Variants in NUP155 observed in about 807,000 individuals in gnomAD.
NUP155 encodes the protein nuclear pore complex protein Nup155.
Under a neutral mutation model 180.4 loss-of-function variants are expected in NUP155, and 71 were observed. That is an observed-to-expected ratio of 0.39 (90% confidence interval 0.33 to 0.48). NUP155 has a LOEUF of 0.48. Among genes scored for constraint, NUP155 ranks in the 20% least tolerant of loss-of-function variants. The pLI, the probability that NUP155 is intolerant of heterozygous loss-of-function variation, is 0.91. For missense variants in NUP155, 1,553 were observed against 1,648.9 expected, an observed-to-expected ratio of 0.94 and a Z score of 1.01; for synonymous variants, 582 against 559.5, an observed-to-expected ratio of 1.04 and a Z score of -0.57.
chr5:37,335,808 C>T (rs1745293271), intron 12 of NUP155, among the ~76,000 whole-genome samples: 1 of 151,822 alleles, frequency 6.6e-6, no homozygotes, highest in Non-Finnish European at 1.5e-5. Context: ...AAAAATTAGA[C>T]AAGAGTGGTG....
At chr5:37,295,203 C>G (rs1038671548) in intron 32 of NUP155, among the ~76,000 whole-genome samples, 7 of 152,130 alleles carry the variant, frequency 4.6e-5, no homozygotes, top group African/African-American at 1.7e-4. Flanking sequence ...CGCGCCGCCA[C>G]GCCTGACTGG....
intron 7 of NUP155, 105 bp downstream of exon 7, chr5:37,350,055 A>G (rs1056449636): frequency 3.9e-5 from 32 of 812,212 alleles, no homozygotes; most frequent in Admixed American, 2.8e-4. Context: ...GCTACTTAAC[A>G]TAACAAATTG....
intron 1 of NUP155, 53 bp downstream of exon 1, chr5:37,370,768 G>A (rs746066458): frequency 1.9e-6 from 3 of 1,613,646 alleles, no homozygotes; most frequent in Non-Finnish European, 2.5e-6. Context: ...TAGCAAATTA[G>A]GAAGTCAGGC....
intron 14 of NUP155, 70 bp from the exon 15 acceptor site, chr5:37,330,202 G>A (rs1744868018): frequency 1.9e-6 from 2 of 1,062,670 alleles, no homozygotes; most frequent in Non-Finnish European, 1.4e-6. Context: ...ACTGCTAGAT[G>A]CAGTATTAAA....
chr5:37,296,310 CTT>C (rs1561764955), intron 32 of NUP155, among the ~76,000 whole-genome samples: 1 of 152,034 alleles, frequency 6.6e-6, no homozygotes, highest in Non-Finnish European at 1.5e-5. Context: ...ACATGGGAGA[CTT>C]TTCATTTTGT....
At chr5:37,343,833 G>C (rs1339074719) in intron 9 of NUP155, among the ~76,000 whole-genome samples, 2 of 152,084 alleles carry the variant, frequency 1.3e-5, no homozygotes, top group Non-Finnish European at 2.9e-5. Context: ...GGAGGTTGCA[G>C]TGAGCTGAGA....
chr5:37,358,666 G>C (rs1055178756), intron 3 of NUP155, among the ~76,000 whole-genome samples: 3 of 152,100 alleles, frequency 2.0e-5, no homozygotes, highest in Admixed American at 6.6e-5. Context: ...ATATTGCCCA[G>C]GCTAGTGTTG....
chr5:37,320,482 TAAAAAG>T (rs1744176863), intron 20 of NUP155, among the ~76,000 whole-genome samples: 2 of 151,458 alleles, frequency 1.3e-5, no homozygotes, highest in African/African-American at 4.9e-5. Context: ...CTGTCTCAAT[TAAAAAG>T]AAAAAGAGAG....
At chr5:37,359,994 T>C (rs536763712) in intron 3 of NUP155, among the ~76,000 whole-genome samples, 4 of 152,122 alleles carry the variant, frequency 2.6e-5, no homozygotes, top group Admixed American at 6.6e-5. Context: ...GTCCCAGGCC[T>C]GTAATCCCAG....
chr5:37,337,911 T>G lies in NUP155; in HGVS notation c.1254A>C (p.Leu418=), dbSNP rs370179617. 2 of 1,577,372 alleles carry G rather than the reference T, an allele frequency of 1.3e-6. No homozygotes were observed. Among genetic ancestry groups the G allele is most frequent in the Non-Finnish European group, 1.7e-6 (2 of 1,148,174 alleles). ...CCTCATTTTCTGAGGCTGCCATCAA[T>G]AGAATACCTAAAAGTTTAATATACA... ...VHRALYSKGI[L]LMAASENEDN... The change falls in exon 12 of 35, where the codon CTA becomes CTC. Residue 418 remains leucine, a synonymous_variant. Transcript: ENST00000231498.
chr5:37,288,718 G>C lies in NUP155; in HGVS notation c.*3182C>G, dbSNP rs1292792011. ...AGTTTTGAGAGCAGTCTGGGCAACA[G>C]AGTGAGATCTTTTGGCTACACAAAA... On this transcript the variant is annotated 3_prime_UTR_variant, in exon 35 of 35. Transcript: ENST00000231498. The C allele has an allele frequency of 8.2e-6, 1 of 122,526 alleles. No homozygotes were observed. Among genetic ancestry groups the C allele is most frequent in the African/African-American group, 3.1e-5 (1 of 32,176 alleles). The allele number at this position is 122,526 out of a possible 1,614,324, so 7.6% of individuals were successfully genotyped here. A position where few individuals can be genotyped will look rare whatever the true frequency, so the allele number is the denominator to read the frequency against.
intron 19 of NUP155, 117 bp downstream of exon 19, chr5:37,325,784 A>AT (rs1744560397): frequency 5.8e-6 from 4 of 687,214 alleles, no homozygotes; most frequent in Admixed American, 2.7e-5. Context: ...AAAAAAAAAA[A>AT]AAAAAAATAA....
intron 22 of NUP155, among the ~76,000 whole-genome samples, chr5:37,313,427 T>TAA (rs546001888): frequency 8.1e-5 from 11 of 136,394 alleles, no homozygotes; most frequent in South Asian, 4.7e-4. Flanking sequence ...CTCCATCTCT[T>TAA]AAAAAAAAAA....
intron 20 of NUP155, among the ~76,000 whole-genome samples, chr5:37,321,709 T>C (rs1295323910): frequency 6.6e-6 from 1 of 152,084 alleles, no homozygotes; most frequent in Non-Finnish European, 1.5e-5. Context: ...AGAGCAAGAC[T>C]CTGCCTCGGC....
At chr5:37,342,492 C>A (rs1745790371) in intron 10 of NUP155, 57 bp downstream of exon 10, 1 of 1,070,940 alleles carries the variant, frequency 9.3e-7, no homozygotes, top group African/African-American at 1.6e-5. Flanking sequence ...ATTTCCAAAT[C>A]TAAGAATTTT....
At chr5:37,342,445 G>A (rs1745786518) in intron 10 of NUP155, 104 bp downstream of exon 10, 13 of 714,892 alleles carry the variant, frequency 1.8e-5, no homozygotes, top group South Asian at 1.3e-4. Context: ...ATGGCTTTAC[G>A]GCAGATATAG....
chr5:37,358,344 G>A (rs1033408791), intron 3 of NUP155, among the ~76,000 whole-genome samples, 193 bp from the exon 4 acceptor site: 11 of 152,054 alleles, frequency 7.2e-5, no homozygotes, highest in Admixed American at 5.2e-4. Context: ...GCCAGGCATG[G>A]GGGTGTGAGG....
chr5:37,322,951 C>T (rs1233135693), intron 20 of NUP155, among the ~76,000 whole-genome samples: 6 of 149,658 alleles, frequency 4.0e-5, no homozygotes, highest in African/African-American at 7.4e-5. Flanking sequence ...CCAGCCTGGG[C>T]GACAAGAGCG....
intron 1 of NUP155, among the ~76,000 whole-genome samples, chr5:37,365,752 T>TATATATACACACACAC (rs1403169370): frequency 9.0e-4 from 34 of 37,884 alleles, no homozygotes; most frequent in East Asian, 1.5e-3. Flanking sequence ...TATATATATA[T>TATATATACACACACAC]ACACACACAC....
Sources: gnomAD v4.1 joint callset for allele counts (sites outside exome capture counted in the v4.1 genomes callset) on GRCh38, gnomAD v4.1.1 for gene constraint, MANE v1.5 for transcripts, NCBI Gene and HGNC (gene_info 2026-07-23, HGNC 2026-07-21) for gene names.